The following PRKAR2B variants were observed in gnomAD, a reference collection of about 807,000 sequenced individuals.
PRKAR2B encodes protein kinase cAMP-dependent type II regulatory subunit beta.
PRKAR2B carries 14 observed loss-of-function variants against 49.9 expected under a neutral mutation model. The ratio of observed to expected loss-of-function variants is 0.28; its 90% CI spans 0.19 to 0.44. The LOEUF is 0.44. Among genes scored for constraint, PRKAR2B ranks in the 20% least tolerant of loss-of-function variants. PRKAR2B has a pLI of 1.00. For missense variants in PRKAR2B, 393 were observed against 537.9 expected (o/e 0.73, Z 2.67); for synonymous variants, 196 against 197.7 (o/e 0.99, Z 0.07).
intron 1 of PRKAR2B, among the ~76,000 whole-genome samples, chr7:107,059,176 T>C (rs1214471908): frequency 6.6e-6 from 1 of 152,092 alleles, no homozygotes; most frequent in East Asian, 1.9e-4. Context: ...TAATCCCAGC[T>C]TCTTGGGAGG....
chr7:107,159,348 A>G, intron 10 of PRKAR2B, 101 bp from the exon 11 acceptor site: 1 of 1,115,290 alleles, frequency 9.0e-7, no homozygotes, highest in Non-Finnish European at 1.3e-6. Context: ...CTAAAATATC[A>G]TTGCACTATT....
intron 1 of PRKAR2B, among the ~76,000 whole-genome samples, chr7:107,057,907 C>CT (rs796638722): frequency 1.3e-5 from 2 of 152,168 alleles, no homozygotes; most frequent in African/African-American, 4.8e-5. Context: ...AGTAATAGTA[C>CT]TTTTAAAAAG....
At chr7:107,149,690 C>T (rs1795949069) in intron 6 of PRKAR2B, among the ~76,000 whole-genome samples, 1 of 152,092 alleles carries the variant, frequency 6.6e-6, no homozygotes, top group South Asian at 2.1e-4. Context: ...CAGTCCATCA[C>T]ACCTAGAGAC....
chr7:107,060,362 C>T (rs1442964315), intron 1 of PRKAR2B, among the ~76,000 whole-genome samples: 1 of 152,076 alleles, frequency 6.6e-6, no homozygotes, highest in Non-Finnish European at 1.5e-5. Flanking sequence ...CAGTATGAGT[C>T]CCTGATTTTC....
intron 1 of PRKAR2B, among the ~76,000 whole-genome samples, chr7:107,051,428 C>T (rs1793800771): frequency 6.6e-6 from 1 of 152,038 alleles, no homozygotes; most frequent in South Asian, 2.1e-4. Flanking sequence ...TGTTCTTGAT[C>T]CTGTTCTTGT....
chr7:107,143,379 G>T (rs562501766), intron 5 of PRKAR2B, among the ~76,000 whole-genome samples: 1 of 152,168 alleles, frequency 6.6e-6, no homozygotes, highest in Non-Finnish European at 1.5e-5. Flanking sequence ...AGCTTATTCA[G>T]CATCCCCGAA....
chr7:107,070,667 T>C (rs1794248071), intron 2 of PRKAR2B, among the ~76,000 whole-genome samples: 1 of 152,224 alleles, frequency 6.6e-6, no homozygotes, highest in South Asian at 2.1e-4. Context: ...AGCCATAATC[T>C]AGAAACAGTG....
At chr7:107,080,161 C>T (rs1017415874) in intron 2 of PRKAR2B, among the ~76,000 whole-genome samples, 3 of 152,100 alleles carry the variant, frequency 2.0e-5, no homozygotes, top group Middle Eastern at 3.4e-3. Flanking sequence ...CCGTGGCTCT[C>T]GGAGGAGCAC....
intron 1 of PRKAR2B, 108 bp from the exon 2 acceptor site, chr7:107,070,173 T>A (rs1474205665): frequency 1.5e-6 from 1 of 685,306 alleles, no homozygotes; most frequent in Non-Finnish European, 2.4e-6. Context: ...TATTTATTCA[T>A]CTTTTTCTTT....
rs1050010205 is a variant in PRKAR2B at position 107,160,438 on chromosome 7, T to C, written c.*856T>C. 1 of 152,216 alleles carries C rather than the reference T, an allele frequency of 6.6e-6. No individual in the cohort carries two copies. The highest frequency in any genetic ancestry group is 6.5e-5 in the Admixed American group (1 of 15,276). 9.4% of individuals were successfully genotyped at this position (152,216 alleles called of 1,614,324 possible). ...AAGATCCGACATTTTTTGTATTCTT[T>C]AAGATTTTACACCTAAAAAATCTCT... On this transcript the variant is annotated 3_prime_UTR_variant, in exon 11 of 11. Coordinates refer to ENST00000265717, the MANE Select transcript of PRKAR2B (RefSeq NM_002736.3).
chr7:107,111,152 G>A (rs896979436), intron 2 of PRKAR2B, among the ~76,000 whole-genome samples: 1 of 152,138 alleles, frequency 6.6e-6, no homozygotes, highest in East Asian at 1.9e-4. Context: ...GTCTATAGTG[G>A]TGGTGGCCAC....
chr7:107,055,022 C>T (rs1250039913), intron 1 of PRKAR2B, among the ~76,000 whole-genome samples: 1 of 151,742 alleles, frequency 6.6e-6, no homozygotes, highest in African/African-American at 2.4e-5. Context: ...TCCATGTGTT[C>T]TCATTGTTCA....
intron 8 of PRKAR2B, among the ~76,000 whole-genome samples, chr7:107,156,245 G>A (rs1382012657): frequency 1.3e-5 from 2 of 151,916 alleles, no homozygotes; most frequent in Non-Finnish European, 2.9e-5. Context: ...TTCTCCACAT[G>A]TATCCCTGAT....
chr7:107,126,420 C>CAAAAAAAAAAAGAAAAAAAAAAAAAAAAA (rs1795494387), intron 3 of PRKAR2B, among the ~76,000 whole-genome samples: 1 of 38,392 alleles, frequency 2.6e-5, no homozygotes, highest in Non-Finnish European at 5.2e-5. Context: ...GAATCTGTCT[C>CAAAAAAAAAAAGAAAAAAAAAAAAAAAAA]AAAAAAAAAA....
chr7:107,058,640 A>G (rs1002527871), intron 1 of PRKAR2B, among the ~76,000 whole-genome samples: 1 of 152,208 alleles, frequency 6.6e-6, no homozygotes. Context: ...TTGATGCATA[A>G]TAATTCCTTG....
chr7:107,112,173 C>CT (rs1181468367), intron 2 of PRKAR2B, among the ~76,000 whole-genome samples: 13 of 83,914 alleles, frequency 1.5e-4, no homozygotes, highest in Middle Eastern at 7.9e-3. Flanking sequence ...GACTGTGTCT[C>CT]TAAAAAAAAA....
Position 107,161,395 on chromosome 7 carries a change from T to A in PRKAR2B, c.*1813T>A, listed in dbSNP as rs1347194545. Reference sequence around the variant, plus strand: ...AACTATTCATGGAACAGCAAACGCCTGTTTAATAAAGAACTTTGACCAAGG... The same window carrying A: ...AACTATTCATGGAACAGCAAACGCCAGTTTAATAAAGAACTTTGACCAAGG... On this transcript the variant is annotated 3_prime_UTR_variant, in exon 11 of 11. Coordinates refer to ENST00000265717, the MANE Select transcript of PRKAR2B (RefSeq NM_002736.3). 6.5e-6 allele frequency: 1 copy of A among 152,674 alleles called. No homozygotes were observed. The highest frequency in any genetic ancestry group is 1.5e-5 in the Non-Finnish European group (1 of 68,030). The allele number at this position is 152,674 out of a possible 1,614,324, so 9.5% of individuals were successfully genotyped here.
intron 2 of PRKAR2B, among the ~76,000 whole-genome samples, chr7:107,086,771 T>C (rs1391719975): frequency 2.0e-5 from 3 of 152,166 alleles, no homozygotes; most frequent in Non-Finnish European, 4.4e-5. Context: ...AAAATGTCTT[T>C]ATAGCATCCA....
chr7:107,046,999 C>T (rs1793711520), intron 1 of PRKAR2B, among the ~76,000 whole-genome samples: 1 of 152,060 alleles, frequency 6.6e-6, no homozygotes, highest in Non-Finnish European at 1.5e-5. Context: ...AGAAATAAGC[C>T]GTTAACTTCT....
Sources: allele counts gnomAD v4.1 joint callset (sites outside exome capture counted in the v4.1 genomes callset), GRCh38; gene constraint gnomAD v4.1.1; transcripts MANE v1.5; gene names NCBI Gene and HGNC (gene_info 2026-07-23, HGNC 2026-07-21).